The following CREBBP variants were observed in gnomAD, a reference collection of about 807,000 sequenced individuals.
CREBBP encodes CREB binding lysine acetyltransferase.
A neutral mutation model predicts 265.0 loss-of-function variants in CREBBP; 19 were observed. The ratio of observed to expected loss-of-function variants is 0.07; its 90% CI spans 0.05 to 0.11. CREBBP has a LOEUF of 0.11. Ranked by LOEUF, CREBBP falls within the 10% of genes least tolerant of loss-of-function variation. The probability of loss-of-function intolerance (pLI) is 1.00; values close to 1 mark genes in which losing one functional copy is unlikely to be tolerated. For synonymous variants in CREBBP, 1,457 were observed against 1,223.7 expected (o/e 1.19, Z -3.98); for missense variants, 2,525 against 3,219.0 (o/e 0.78, Z 5.22).
intron 3 of CREBBP, among the ~76,000 whole-genome samples, chr16:3,809,480 C>T (rs2053895051): frequency 6.6e-6 from 1 of 152,156 alleles, no homozygotes; most frequent in African/African-American, 2.4e-5. Flanking sequence ...CCGGCCTCAA[C>T]CACCTTTTTA....
chr16:3,754,633 A>G (rs995018858), intron 19 of CREBBP, among the ~76,000 whole-genome samples: 14 of 152,226 alleles, frequency 9.2e-5, no homozygotes, highest in African/African-American at 3.1e-4. Context: ...ATATCAGTAC[A>G]TATCACTGGG....
chr16:3,798,698 A>C (rs1379563406), intron 3 of CREBBP, among the ~76,000 whole-genome samples: 1 of 152,228 alleles, frequency 6.6e-6, no homozygotes, highest in African/African-American at 2.4e-5. Context: ...GGTGGCCAGG[A>C]CGTGGAGAAC....
At position 3,850,700 on chromosome 16, in the gene CREBBP, C is replaced by A. The variant is rs983063124; in HGVS notation, c.395G>T (p.Ser132Ile). The A allele has an allele frequency of 6.2e-7, 1 of 1,614,096 alleles. No homozygotes were observed. Among genetic ancestry groups the A allele is most frequent in the African/African-American group, 1.3e-5 (1 of 75,064 alleles). Reference sequence around the variant, plus strand: ...GGTGCTGGCTGCCTGTTTAGGCAGGCTGGGGGCTGAAGAATCTCCCTGGCT... The same window carrying A: ...GGTGCTGGCTGCCTGTTTAGGCAGGATGGGGGCTGAAGAATCTCCCTGGCT... ...PLSQGDSSAPSLPKQAASTSG... is the reference protein window; with the variant it reads ...PLSQGDSSAPILPKQAASTSG... The change falls in exon 2 of 31, where the codon AGC becomes ATC. Residue 132 changes from serine to isoleucine, a missense_variant. This residue lies in a region of CREBBP where 356 missense variants were observed against 340.4 expected (regional missense o/e 1.05). Transcript: ENST00000262367.
intron 2 of CREBBP, among the ~76,000 whole-genome samples, chr16:3,830,927 A>C (rs1446676526): frequency 6.6e-6 from 1 of 152,118 alleles, no homozygotes; most frequent in Admixed American, 6.6e-5. Flanking sequence ...CAACTACAGA[A>C]GCGCACCACC....
At chr16:3,768,046 T>G (rs530791177) in intron 15 of CREBBP, 137 bp from the exon 16 acceptor site, 2 of 764,692 alleles carry the variant, frequency 2.6e-6, no homozygotes, top group East Asian at 5.2e-5. Context: ...ATGATTCCTC[T>G]TCTCTTCCGG....
At chr16:3,852,457 C>T (rs936364153) in intron 1 of CREBBP, among the ~76,000 whole-genome samples, 1 of 152,046 alleles carries the variant, frequency 6.6e-6, no homozygotes, top group Admixed American at 6.5e-5. Flanking sequence ...AGGTGTGAGC[C>T]ACCGTGCCCG....
chr16:3,758,164 T>G, intron 17 of CREBBP, 116 bp from the exon 18 acceptor site: 2 of 1,053,218 alleles, frequency 1.9e-6, no homozygotes, highest in Non-Finnish European at 2.8e-6. Context: ...ATAACTTCCA[T>G]TCCCAACAGT....
intron 2 of CREBBP, among the ~76,000 whole-genome samples, chr16:3,828,047 A>G (rs1412066691): frequency 6.6e-6 from 1 of 152,106 alleles, no homozygotes; most frequent in African/African-American, 2.4e-5. Flanking sequence ...CCTCTTGCAC[A>G]TAGGCCAAGG....
intron 3 of CREBBP, among the ~76,000 whole-genome samples, chr16:3,804,903 G>A (rs1234270335): frequency 6.6e-6 from 1 of 152,222 alleles, no homozygotes; most frequent in Non-Finnish European, 1.5e-5. Flanking sequence ...AGATACTGCT[G>A]GTTAATGGGA....
rs2151299806 is a variant in CREBBP at position 3,728,028 on chromosome 16, C to T, written c.7019G>A (p.Ser2340Asn). The T allele has an allele frequency of 6.2e-7, 1 of 1,611,682 alleles. No homozygotes were observed. The highest frequency in any genetic ancestry group is 8.5e-7 in the Non-Finnish European group (1 of 1,178,134). ...LPGQQIATSL[S>N]NQVRSPAPVQ... ...AGGGGCTGGAGACCGCACCTGGTTA[C>T]TAAGGGACGTGGCGATCTGCTGGCC... Residue 2340 changes from serine to asparagine, a missense_variant, in exon 31 of 31, where the codon AGT becomes AAT. Transcript: ENST00000262367. The surrounding 1 kb of genome is among the most constrained non-coding windows in gnomAD (Gnocchi z 8.7).
chr16:3,834,815 T>A (rs2054411192), intron 2 of CREBBP, among the ~76,000 whole-genome samples: 1 of 152,136 alleles, frequency 6.6e-6, no homozygotes, highest in African/African-American at 2.4e-5. Flanking sequence ...CTCTGTACCT[T>A]CATTTCATTG....
chr16:3,735,538 C>T (rs1354134107), intron 28 of CREBBP, among the ~76,000 whole-genome samples: 5 of 152,226 alleles, frequency 3.3e-5, no homozygotes, highest in Admixed American at 1.3e-4. Flanking sequence ...CCTTGTGATC[C>T]GCCTGCCTCG....
At chr16:3,737,773 C>CTT (rs940748883) in intron 26 of CREBBP, among the ~76,000 whole-genome samples, 2 of 150,472 alleles carry the variant, frequency 1.3e-5, no homozygotes, top group African/African-American at 2.5e-5. Flanking sequence ...TTGTATTTTT[C>CTT]TTTTTTTCTT....
At chr16:3,875,734 G>C (rs2055386999) in intron 1 of CREBBP, among the ~76,000 whole-genome samples, 1 of 152,144 alleles carries the variant, frequency 6.6e-6, no homozygotes, top group African/African-American at 2.4e-5. Flanking sequence ...TTTTGACCCT[G>C]TATCACCTCT....
At chr16:3,735,099 C>T (rs1010555640) in intron 28 of CREBBP, among the ~76,000 whole-genome samples, 2 of 152,188 alleles carry the variant, frequency 1.3e-5, no homozygotes, top group Admixed American at 6.5e-5. Flanking sequence ...CAAACCCGCA[C>T]ACAGCGCGCC....
At chr16:3,767,329 T>C in intron 16 of CREBBP, 1 of 236,766 alleles carries the variant, frequency 4.2e-6, no homozygotes. Context: ...ACCATCTTCC[T>C]TAAATTATGG....
At position 3,850,929 on chromosome 16, in the gene CREBBP, T is replaced by A. The variant is rs201243744; in HGVS notation, c.166A>T (p.Ser56Cys). 1.2e-6 allele frequency: 2 copies of A among 1,614,236 alleles called. No homozygotes were observed. The highest frequency in any genetic ancestry group is 1.6e-4 in the Middle Eastern group (1 of 6,062). ...GCAGCATCTGGAACAAGGTTCCCAC[T>A]GTTTAAAAGGCCTAATTCTCCTCCA... ...PNGGELGLLN[S>C]GNLVPDAASK... Residue 56 changes from serine (S) to cysteine (C), a missense_variant, in exon 2 of 31, where the codon AGT becomes TGT. Ser to Cys is a moderately radical substitution (Grantham distance 112). This residue lies in a region of CREBBP where 356 missense variants were observed against 340.4 expected (regional missense o/e 1.05). Coordinates refer to ENST00000262367, the MANE Select transcript of CREBBP (RefSeq NM_004380.3).
chr16:3,773,193 C>T (rs964174256), intron 13 of CREBBP, among the ~76,000 whole-genome samples: 7 of 151,860 alleles, frequency 4.6e-5, no homozygotes, highest in East Asian at 3.9e-4. Flanking sequence ...AGCAATGATA[C>T]GCACTACAAC....
In CREBBP at chr16:3,740,566, GAGC is replaced by G. The variant is rs1567273114; in HGVS notation, c.3983-20_3983-18del. The G allele has an allele frequency of 6.2e-7, 1 of 1,614,106 alleles. No homozygotes were observed. Among genetic ancestry groups the G allele is most frequent in the Non-Finnish European group, 8.5e-7 (1 of 1,180,012 alleles). On this transcript the variant is annotated intron_variant, in intron 23 of 30. Coordinates refer to ENST00000262367, the MANE Select transcript of CREBBP (RefSeq NM_004380.3). ...TCTGCAGCCCTAGGAAGTCCAGAAG[GAGC>G]AGGTGAGAGGGCTTCAACAGCACTG...
Sources: allele counts gnomAD v4.1 joint callset (sites outside exome capture counted in the v4.1 genomes callset), GRCh38; gene constraint gnomAD v4.1.1; regional missense constraint gnomAD v4.1.1; non-coding constraint Gnocchi (gnomAD v3.1); transcripts MANE v1.5; gene names NCBI Gene and HGNC (gene_info 2026-07-23, HGNC 2026-07-21).